PDS5B: variants seen among roughly 807,000 people sequenced by gnomAD.
PDS5B encodes the protein PDS5 cohesin associated factor B.
PDS5B carries 51 observed loss-of-function variants against 184.1 expected under a neutral mutation model. The observed-to-expected ratio is 0.28, with a 90% confidence interval of 0.22 to 0.35. PDS5B has a LOEUF of 0.35. Among genes scored for constraint, PDS5B ranks in the 10% least tolerant of loss-of-function variants. The pLI, the probability that PDS5B is intolerant of heterozygous loss-of-function variation, is 1.00. For missense variants in PDS5B, 1,180 were observed against 1,723.3 expected (o/e 0.68, Z 5.58); for synonymous variants, 566 against 569.2 (o/e 0.99, Z 0.08).
chr13:32,599,892 G>A (rs2057946191), intron 1 of PDS5B, among the ~76,000 whole-genome samples: 3 of 152,086 alleles, frequency 2.0e-5, no homozygotes, highest in Admixed American at 2.0e-4. Flanking sequence ...TCCAGCCTGG[G>A]TGACAGAATG....
At chr13:32,747,547 A>T (rs1357018000) in intron 24 of PDS5B, among the ~76,000 whole-genome samples, 1 of 148,992 alleles carries the variant, frequency 6.7e-6, no homozygotes, top group Admixed American at 6.9e-5. Flanking sequence ...AGGTCGTGCC[A>T]TTGCACTCCA....
At chr13:32,665,861 A>G (rs1008480118) in intron 6 of PDS5B, among the ~76,000 whole-genome samples, 3 of 152,140 alleles carry the variant, frequency 2.0e-5, no homozygotes, top group African/African-American at 7.2e-5. Flanking sequence ...TTGCGGCAGC[A>G]TGGATGGAAC....
At chr13:32,755,224 A>G (rs1457209435) in intron 25 of PDS5B, among the ~76,000 whole-genome samples, 1 of 152,152 alleles carries the variant, frequency 6.6e-6, no homozygotes, top group Non-Finnish European at 1.5e-5. Context: ...TATTAAACCA[A>G]TTAGGATTAC....
At chr13:32,647,647 T>C (rs754966116) in intron 1 of PDS5B, among the ~76,000 whole-genome samples, 3 of 152,194 alleles carry the variant, frequency 2.0e-5, no homozygotes, top group Non-Finnish European at 4.4e-5. Context: ...AATTGTATTT[T>C]TTCATTTTTA....
At chr13:32,724,184 G>T (rs565799815) in intron 19 of PDS5B, among the ~76,000 whole-genome samples, 7 of 152,024 alleles carry the variant, frequency 4.6e-5, no homozygotes, top group Non-Finnish European at 1.0e-4. Context: ...TAGTCAGATC[G>T]TAGCTCACTG....
chr13:32,644,597 G>A (rs1403765594), intron 1 of PDS5B, among the ~76,000 whole-genome samples: 1 of 151,930 alleles, frequency 6.6e-6, no homozygotes, highest in Non-Finnish European at 1.5e-5. Flanking sequence ...AAAAAGTGAT[G>A]ATAGTAGGTA....
intron 2 of PDS5B, chr13:32,649,219 T>C (rs1452770036): frequency 5.2e-6 from 1 of 190,852 alleles, no homozygotes; most frequent in Non-Finnish European, 1.1e-5. Flanking sequence ...AAGGGAGTTT[T>C]AGGTCTTTAT....
chr13:32,590,250 A>G (rs373811849), intron 1 of PDS5B, among the ~76,000 whole-genome samples: 7 of 152,374 alleles, frequency 4.6e-5, no homozygotes, highest in African/African-American at 1.7e-4. Flanking sequence ...GACTAAAAGT[A>G]TTCCACTAGC....
intron 19 of PDS5B, among the ~76,000 whole-genome samples, chr13:32,728,265 A>T (rs1175674826): frequency 6.6e-6 from 1 of 151,684 alleles, no homozygotes; most frequent in African/African-American, 2.4e-5. Context: ...TTTAATGTCT[A>T]CCCTAATTCT....
rs146842926 is a variant in PDS5B, at chr13:32,612,448, C to T, written c.-20+25855C>T. On this transcript the variant is annotated intron_variant, in intron 1 of 34. Coordinates refer to ENST00000315596, the MANE Select transcript of PDS5B (RefSeq NM_015032.4). The stretch of plus-strand genomic sequence containing the variant: ...TAACTAATTTAAAAGCTGAACAGCT[C>T]GGTGGTTTAGTATATTGACAGAGTT... Among the ~76,000 whole-genome samples the T allele has an allele frequency of 3.0e-4, 45 of 152,248 alleles. No individual in the cohort carries two copies. In the East Asian group the frequency reaches 5.2e-3, roughly 18 times the overall value.
chr13:32,688,535 T>A lies in PDS5B; in HGVS notation c.1435T>A (p.Tyr479Asn). The A allele has an allele frequency of 1.2e-6, 2 of 1,600,384 alleles. No homozygotes were observed. The highest frequency in any genetic ancestry group is 1.7e-6 in the Non-Finnish European group (2 of 1,167,674). ...ETTERMKCLY[Y>N]LYATLDLNAV... is the part of the protein sequence containing the mutation. ...TACAGAACGGATGAAATGCTTATAT[T>A]ACTTGTATGCCACACTGGATTTAAA... Residue 479 changes from tyrosine to asparagine, a missense_variant, in exon 13 of 35, where the codon TAC becomes AAC. Tyr to Asn is a moderately radical substitution (Grantham distance 143). Around this residue, in one of 11 missense-constraint regions of PDS5B, gnomAD observed 475 missense variants for 691.5 expected, o/e 0.69. Transcript: ENST00000315596.
At chr13:32,588,130 C>T (rs1274763245) in intron 1 of PDS5B, among the ~76,000 whole-genome samples, 2 of 152,260 alleles carry the variant, frequency 1.3e-5, no homozygotes, top group East Asian at 3.9e-4. Flanking sequence ...TCATGCAGTA[C>T]ACATGTCTGA....
At chr13:32,709,834 A>G (rs1952147341) in intron 18 of PDS5B, 112 bp from the exon 19 acceptor site, 2 of 572,348 alleles carry the variant, frequency 3.5e-6, no homozygotes, top group Admixed American at 4.0e-5. Flanking sequence ...TTTGGTCAAC[A>G]TAATTTTTTT....
chr13:32,715,533 A>C (rs1952353780), intron 19 of PDS5B, among the ~76,000 whole-genome samples: 2 of 152,210 alleles, frequency 1.3e-5, no homozygotes, highest in Non-Finnish European at 2.9e-5. Flanking sequence ...AGAATGATGT[A>C]AATAAGTTCA....
At chr13:32,702,769 T>C (rs2140875125) in intron 17 of PDS5B, among the ~76,000 whole-genome samples, 1 of 152,312 alleles carries the variant, frequency 6.6e-6, no homozygotes, top group South Asian at 2.1e-4. Flanking sequence ...GAGATGATCC[T>C]TAAAAAGCCA....
intron 1 of PDS5B, among the ~76,000 whole-genome samples, chr13:32,632,253 A>C (rs1245100817): frequency 1.3e-5 from 2 of 152,206 alleles, no homozygotes; most frequent in African/African-American, 4.8e-5. Flanking sequence ...TACAGAAGAA[A>C]ATATTTGCAA....
chr13:32,692,520 C>T (rs868587938), intron 13 of PDS5B, among the ~76,000 whole-genome samples: 5 of 145,520 alleles, frequency 3.4e-5, no homozygotes, highest in African/African-American at 1.0e-4. Context: ...TTTGGACAGG[C>T]CACTGACTAA....
intron 1 of PDS5B, among the ~76,000 whole-genome samples, chr13:32,598,548 G>A (rs1409623832): frequency 6.6e-6 from 1 of 151,952 alleles, no homozygotes; most frequent in Non-Finnish European, 1.5e-5. Flanking sequence ...CCAGTTCACT[G>A]TAACCTCAAA....
intron 1 of PDS5B, among the ~76,000 whole-genome samples, chr13:32,596,792 G>A (rs9595889): frequency 0.017 from 2,533 of 151,966 alleles, 90 homozygotes; most frequent in African/African-American, 0.057. Flanking sequence ...ATTTTCTTTC[G>A]TAGGATGCCT....
Sources: gnomAD v4.1 joint callset for allele counts (sites outside exome capture counted in the v4.1 genomes callset) on GRCh38, gnomAD v4.1.1 for gene constraint, gnomAD v4.1.1 regional missense constraint, MANE v1.5 for transcripts, NCBI Gene and HGNC (gene_info 2026-07-23, HGNC 2026-07-21) for gene names.